DEGS1: variants seen among roughly 807,000 people sequenced by gnomAD.
DEGS1 encodes delta 4-desaturase, sphingolipid 1, also known as sphingolipid delta(4)-desaturase DES1.
In DEGS1, 17 loss-of-function variants were observed where a neutral mutation model predicts 24.1. That is an observed-to-expected ratio of 0.70 (90% CI 0.48 to 1.06). The LOEUF (loss-of-function observed/expected upper bound fraction) is 1.06, where lower values mean the gene tolerates loss of function less well. DEGS1 is among the 50% of genes least tolerant of loss of function. The pLI is 0.00. For synonymous variants in DEGS1, 134 were observed against 140.0 expected, an observed-to-expected ratio of 0.96 and a Z score of 0.30; for missense variants, 366 against 408.9, an observed-to-expected ratio of 0.90 and a Z score of 0.91.
rs760115956 is a variant in DEGS1 at position 224,192,716 on chromosome 1, A to T, written c.*238A>T. ...GTATTATCGTCATTGAGGATGTTTCACTCATGTCTGTCATTTTATAAGCAT... is the reference window on the plus strand; with the variant it reads ...GTATTATCGTCATTGAGGATGTTTCTCTCATGTCTGTCATTTTATAAGCAT... On this transcript the variant is annotated 3_prime_UTR_variant, in exon 3 of 3. Coordinates refer to ENST00000323699, the MANE Select transcript of DEGS1 (RefSeq NM_003676.4). 1.8e-5 allele frequency: 8 copies of T among 443,730 alleles called. No homozygotes were observed. Among genetic ancestry groups the T allele is most frequent in the Non-Finnish European group, 2.8e-5 (7 of 254,020 alleles). 27.5% of individuals were successfully genotyped at this position (443,730 alleles called of 1,614,324 possible). A position where few individuals can be genotyped will look rare whatever the true frequency, so the allele number is the denominator to read the frequency against.
chr1:224,192,708 G>A lies in DEGS1; in HGVS notation c.*230G>A. 4.4e-6 allele frequency: 2 copies of A among 458,590 alleles called. No individual in the cohort carries two copies. The highest frequency in any genetic ancestry group is 7.6e-6 in the Non-Finnish European group (2 of 263,124). The allele number at this position is 458,590 out of a possible 1,614,324, so 28.4% of individuals were successfully genotyped here. A position where few individuals can be genotyped will look rare whatever the true frequency, so the allele number is the denominator to read the frequency against. ...TGACTTGTGTATTATCGTCATTGAG[G>A]ATGTTTCACTCATGTCTGTCATTTT... On this transcript the variant is annotated 3_prime_UTR_variant, in exon 3 of 3. Transcript: ENST00000323699.
Position 224,189,992 on chromosome 1 carries a change from G to A in DEGS1, c.498G>A (p.Gln166=). 2 of 1,614,176 alleles carry A rather than the reference G, an allele frequency of 1.2e-6. No homozygotes were observed. Among genetic ancestry groups the A allele is most frequent in the Non-Finnish European group, 1.7e-6 (2 of 1,180,036 alleles). Residue 166 remains glutamine (Q), a synonymous_variant, in exon 2 of 3, where the codon CAG becomes CAA. Transcript: ENST00000323699. ...GAAAGTTTATATGGGTTATTCTTCA[G>A]CCTCTCTTTTATGCCTTTCGACCTC... ...AFRKFIWVIL[Q]PLFYAFRPLF...
intron 1 of DEGS1, among the ~76,000 whole-genome samples, chr1:224,187,201 G>GT (rs1658416382): frequency 6.6e-6 from 1 of 151,924 alleles, no homozygotes; most frequent in Admixed American, 6.6e-5. Flanking sequence ...CCAGCTACTG[G>GT]GAAGGCTGAG....
rs142035782 is a variant in DEGS1, at chr1:224,190,135, C to T, written c.641C>T (p.Ala214Val). The T allele has an allele frequency of 1.2e-6, 2 of 1,608,942 alleles. No homozygotes were observed. Among genetic ancestry groups the T allele is most frequent in the Non-Finnish European group, 1.7e-6 (2 of 1,177,438 alleles). ...ATTAAATCCTTAGTCTACATGTTGG[C>T]AGCATCTTTACTTGGCCTGGGTTTG... ...LGIKSLVYMLAASLLGLGLHP... is the reference protein window; with the variant it reads ...LGIKSLVYMLVASLLGLGLHP... Residue 214 changes from alanine to valine, a missense_variant, in exon 2 of 3, where the codon GCA (alanine) becomes GTA (valine). Ala to Val is a moderately conservative substitution (Grantham distance 64). Transcript: ENST00000323699.
chr1:224,184,489 T>A (rs993024127), intron 1 of DEGS1, among the ~76,000 whole-genome samples: 1 of 139,194 alleles, frequency 7.2e-6, no homozygotes, highest in Admixed American at 7.7e-5. Flanking sequence ...TTTTTGAGAC[T>A]GCACGTGTTT....
chr1:224,183,324 C>A lies in DEGS1; in HGVS notation c.-13C>A. 6.8e-7 allele frequency: 1 copy of A among 1,480,404 alleles called. No homozygotes were observed. Among genetic ancestry groups the A allele is most frequent in the Non-Finnish European group, 9.0e-7 (1 of 1,113,720 alleles). 91.7% of individuals were successfully genotyped at this position (1,480,404 alleles called of 1,614,324 possible). A position where few individuals can be genotyped will look rare whatever the true frequency, so the allele number is the denominator to read the frequency against. ...GAGAGCCGACAGCTAGTCTGCAAGCCACCGCTGTCGCCATGGGGAGCCGCG... is the reference window on the plus strand; with the variant it reads ...GAGAGCCGACAGCTAGTCTGCAAGCAACCGCTGTCGCCATGGGGAGCCGCG... On this transcript the variant is annotated 5_prime_UTR_variant, in exon 1 of 3. Transcript: ENST00000323699.
rs907524462 is a variant in DEGS1, at chr1:224,193,230, C to T, written c.*752C>T. ...CTATATAATATGGTAACTTGGGTAC[C>T]GGGGGAACTTTAAAATTTCATCTCA... On this transcript the variant is annotated 3_prime_UTR_variant, in exon 3 of 3. Transcript: ENST00000323699. 3.3e-5 allele frequency: 5 copies of T among 151,868 alleles called. No homozygotes were observed. In the South Asian group the frequency reaches 6.2e-4, roughly 19 times the overall value. 9.4% of individuals were successfully genotyped at this position (151,868 alleles called of 1,614,324 possible).
intron 1 of DEGS1, chr1:224,183,879 G>A (rs1182841273): frequency 2.6e-5 from 4 of 153,134 alleles, no homozygotes; most frequent in Admixed American, 2.0e-4. Flanking sequence ...GGCAGGGTGT[G>A]GTCCTGGGCA....
chr1:224,191,935 A>ATTAG (rs1658546537), intron 2 of DEGS1, among the ~76,000 whole-genome samples: 1 of 152,036 alleles, frequency 6.6e-6, no homozygotes, highest in Non-Finnish European at 1.5e-5. Context: ...GCCACAATTT[A>ATTAG]TTAGTATTTG....
Position 224,192,835 on chromosome 1 carries a change from C to T in DEGS1, c.*357C>T, listed in dbSNP as rs1658579791. The T allele has an allele frequency of 5.0e-6, 1 of 201,290 alleles. No individual in the cohort carries two copies. Among genetic ancestry groups the T allele is most frequent in the Non-Finnish European group, 9.9e-6 (1 of 100,524 alleles). 12.5% of individuals were successfully genotyped at this position (201,290 alleles called of 1,614,324 possible). ...TTGGGAGGCCAAGGTGGGTGGATCACCTGAGGTCAGGAGTTCGAGACCAGC... is the reference window on the plus strand; with the variant it reads ...TTGGGAGGCCAAGGTGGGTGGATCATCTGAGGTCAGGAGTTCGAGACCAGC... On this transcript the variant is annotated 3_prime_UTR_variant, in exon 3 of 3. Coordinates refer to ENST00000323699, the MANE Select transcript of DEGS1 (RefSeq NM_003676.4).
chr1:224,193,193 A>ACTAT lies in DEGS1; in HGVS notation c.*718_*721dup, dbSNP rs1305429934. 2.6e-5 allele frequency: 4 copies of ACTAT among 152,180 alleles called. No individual in the cohort carries two copies. Among genetic ancestry groups the ACTAT allele is most frequent in the African/African-American group, 9.6e-5 (4 of 41,452 alleles). The allele number at this position is 152,180 out of a possible 1,614,324, so 9.4% of individuals were successfully genotyped here. A position where few individuals can be genotyped will look rare whatever the true frequency, so the allele number is the denominator to read the frequency against. ...AGTATTTGTTACATTTTTGTATTTC[A>ACTAT]CTATCTTTATACTATATAATATGGT... On this transcript the variant is annotated 3_prime_UTR_variant, in exon 3 of 3. Coordinates refer to ENST00000323699, the MANE Select transcript of DEGS1 (RefSeq NM_003676.4).
At chr1:224,186,413 A>G (rs533601977) in intron 1 of DEGS1, among the ~76,000 whole-genome samples, 22 of 152,230 alleles carry the variant, frequency 1.4e-4, no homozygotes, top group South Asian at 8.3e-4. Context: ...TGGGAAAGTA[A>G]AAGGACCACA....
intron 1 of DEGS1, 138 bp downstream of exon 1, chr1:224,183,556 C>G (rs1026624829): frequency 6.7e-5 from 40 of 599,608 alleles, no homozygotes; most frequent in Non-Finnish European, 8.8e-5. Flanking sequence ...CCCGTCGCCG[C>G]TCGGGCCGCC....
At chr1:224,191,843 C>T (rs1163065963) in intron 2 of DEGS1, among the ~76,000 whole-genome samples, 8 of 151,936 alleles carry the variant, frequency 5.3e-5, no homozygotes, top group African/African-American at 7.3e-5. Context: ...GTGATCCACC[C>T]GCCTCGGCTT....
rs1324366770 is a variant in DEGS1 at position 224,189,599 on chromosome 1, C to T, written c.105C>T (p.Ser35=). 1.2e-6 allele frequency: 2 copies of T among 1,601,040 alleles called. No homozygotes were observed. Among genetic ancestry groups the T allele is most frequent in the African/African-American group, 1.3e-5 (1 of 74,224 alleles). The change falls in exon 2 of 3, where the codon TCC becomes TCT. Residue 35 remains serine, a synonymous_variant. Transcript: ENST00000323699. ...CAGCAAAGTATCCAGAGATAAAGTC[C>T]TTGATGAAACCTGATCCCAATTTGA... The part of the protein sequence containing the change: ...EILAKYPEIK[S]LMKPDPNLIW...
chr1:224,183,463 G>A (rs1171196678), intron 1 of DEGS1, 45 bp downstream of exon 1: 1 of 1,259,992 alleles, frequency 7.9e-7, no homozygotes, highest in Non-Finnish European at 1.0e-6. Context: ...GTGGCCTCCC[G>A]GCGCCGGGGC....
At chr1:224,183,628 G>A (rs1036491141) in intron 1 of DEGS1, 23 of 349,392 alleles carry the variant, frequency 6.6e-5, no homozygotes, top group Non-Finnish European at 9.6e-5. Context: ...GGTCCTCGGA[G>A]CCGCGCAGCT....
chr1:224,186,221 T>C (rs1402319726), intron 1 of DEGS1, among the ~76,000 whole-genome samples: 1 of 151,994 alleles, frequency 6.6e-6, no homozygotes, highest in African/African-American at 2.4e-5. Flanking sequence ...GGTGGGAGGA[T>C]TGCTTGAGCT....
chr1:224,190,259 T>C lies in DEGS1; in HGVS notation c.765T>C (p.Asn255=). Reference sequence around the variant, plus strand: ...GGCCTCTGAATTTACTTACCTTCAATGTGGGTTATCATAATGAACATCATG... The same window carrying C: ...GGCCTCTGAATTTACTTACCTTCAACGTGGGTTATCATAATGAACATCATG... ...YYGPLNLLTF[N]VGYHNEHHDF... Residue 255 remains asparagine (N), a synonymous_variant, in exon 2 of 3, where the codon AAT becomes AAC. Transcript: ENST00000323699. The C allele has an allele frequency of 6.6e-7, 1 of 1,513,538 alleles. No individual in the cohort carries two copies. Among genetic ancestry groups the C allele is most frequent in the Non-Finnish European group, 8.8e-7 (1 of 1,134,162 alleles). The allele number at this position is 1,513,538 out of a possible 1,614,324, so 93.8% of individuals were successfully genotyped here.
Sources: allele counts gnomAD v4.1 joint callset (sites outside exome capture counted in the v4.1 genomes callset), GRCh38; gene constraint gnomAD v4.1.1; transcripts MANE v1.5; gene names NCBI Gene and HGNC (gene_info 2026-07-23, HGNC 2026-07-21).